Variants in TSPAN12 observed in about 807,000 individuals in gnomAD.
TSPAN12 encodes the protein tetraspanin-12.
TSPAN12 carries 19 observed loss-of-function variants against 39.2 expected under a neutral mutation model. The observed-to-expected ratio is 0.49, with a 90% CI of 0.34 to 0.71. The LOEUF is 0.71. Ranked by LOEUF, TSPAN12 falls within the 30% of genes least tolerant of loss-of-function variation. The pLI is 0.01. For synonymous variants in TSPAN12, 119 were observed against 124.8 expected, an observed-to-expected ratio of 0.95 and a Z score of 0.31; for missense variants, 314 against 359.9, an observed-to-expected ratio of 0.87 and a Z score of 1.03.
rs1015352091 is a variant in TSPAN12, at chr7:120,787,540, C to T, written c.*1052G>A. ...AATTGTCACATGTTTTAATGATTCT[C>T]ACAAGCATTTTTCTGGAGAAAAAGA... On this transcript the variant is annotated 3_prime_UTR_variant, in exon 8 of 8. Transcript: ENST00000222747. 5.2e-5 allele frequency: 8 copies of T among 152,548 alleles called. No individual in the cohort carries two copies. The highest frequency in any genetic ancestry group is 1.7e-4 in the African/African-American group (7 of 41,436). The allele number at this position is 152,548 out of a possible 1,614,324, so 9.4% of individuals were successfully genotyped here. A position where few individuals can be genotyped will look rare whatever the true frequency, so the allele number is the denominator to read the frequency against.
chr7:120,789,317 G>A, intron 7 of TSPAN12, among the ~76,000 whole-genome samples: 1 of 152,208 alleles, frequency 6.6e-6, no homozygotes, highest in Non-Finnish European at 1.5e-5. Flanking sequence ...GTAAGTGAAT[G>A]AATGAATGTG....
At chr7:120,842,580 A>G (rs1320231415) in intron 2 of TSPAN12, among the ~76,000 whole-genome samples, 1 of 152,048 alleles carries the variant, frequency 6.6e-6, no homozygotes, top group African/African-American at 2.4e-5. Context: ...AGGGTTAGTC[A>G]CTGTCTCCCA....
intron 4 of TSPAN12, among the ~76,000 whole-genome samples, chr7:120,835,565 T>C (rs1239844665): frequency 6.6e-6 from 1 of 152,174 alleles, no homozygotes; most frequent in African/African-American, 2.4e-5. Context: ...AATCTCTCTA[T>C]GCCTCATTTC....
chr7:120,843,940 T>C (rs1156540501), intron 2 of TSPAN12, among the ~76,000 whole-genome samples: 1 of 152,184 alleles, frequency 6.6e-6, no homozygotes, highest in Non-Finnish European at 1.5e-5. Flanking sequence ...CTGTTATAAA[T>C]ACCTGAAACT....
At chr7:120,816,705 C>T (rs888908722) in intron 4 of TSPAN12, among the ~76,000 whole-genome samples, 1 of 151,976 alleles carries the variant, frequency 6.6e-6, no homozygotes, top group Non-Finnish European at 1.5e-5. Flanking sequence ...ATCATGTAGG[C>T]ATTAAGGTAG....
At chr7:120,838,739 CT>C in intron 4 of TSPAN12, 37 bp downstream of exon 4, 3 of 1,598,998 alleles carry the variant, frequency 1.9e-6, no homozygotes, top group Non-Finnish European at 1.7e-6. Context: ...ACTGGTTAAT[CT>C]TTTTAACTAT....
At chr7:120,822,108 A>C (rs981282096) in intron 4 of TSPAN12, among the ~76,000 whole-genome samples, 1 of 152,060 alleles carries the variant, frequency 6.6e-6, no homozygotes, top group Non-Finnish European at 1.5e-5. Flanking sequence ...TGTCCACTGG[A>C]AGTATCTGAG....
chr7:120,806,818 A>G, intron 6 of TSPAN12, 126 bp from the exon 7 acceptor site: 1 of 1,144,808 alleles, frequency 8.7e-7, no homozygotes, highest in Admixed American at 2.0e-5. Context: ...CTAATGATAT[A>G]TGTACAGTCT....
At chr7:120,850,948 C>T (rs892786143) in intron 2 of TSPAN12, among the ~76,000 whole-genome samples, 2 of 152,100 alleles carry the variant, frequency 1.3e-5, no homozygotes, top group African/African-American at 4.8e-5. Context: ...CCTGGGCCTC[C>T]CAAAGTGCTG....
intron 6 of TSPAN12, among the ~76,000 whole-genome samples, chr7:120,808,766 C>G (rs1793922768): frequency 1.3e-5 from 2 of 152,058 alleles, no homozygotes; most frequent in Non-Finnish European, 2.9e-5. Flanking sequence ...GAGACTGGCA[C>G]CTGATAAAGT....
intron 4 of TSPAN12, among the ~76,000 whole-genome samples, chr7:120,836,366 G>A (rs953404240): frequency 3.3e-5 from 5 of 152,132 alleles, no homozygotes; most frequent in East Asian, 1.9e-4. Context: ...AATGGAGAAC[G>A]AACAGCCAAA....
intron 6 of TSPAN12, among the ~76,000 whole-genome samples, chr7:120,809,027 G>A (rs1416475370): frequency 2.0e-5 from 3 of 151,302 alleles, no homozygotes; most frequent in African/African-American, 4.8e-5. Context: ...ACAGGGAGAA[G>A]ATGGCCATCC....
At chr7:120,831,499 A>G (rs552410239) in intron 4 of TSPAN12, among the ~76,000 whole-genome samples, 15 of 152,234 alleles carry the variant, frequency 9.9e-5, no homozygotes, top group African/African-American at 3.4e-4. Flanking sequence ...TTGTGGTAAC[A>G]TGGATGAACC....
chr7:120,853,993 A>G (rs956182067), intron 2 of TSPAN12, among the ~76,000 whole-genome samples: 4 of 152,212 alleles, frequency 2.6e-5, no homozygotes, highest in Non-Finnish European at 5.9e-5. Flanking sequence ...TATAGGGCAA[A>G]CCTAAATGAT....
At chr7:120,806,791 G>A in intron 6 of TSPAN12, 99 bp from the exon 7 acceptor site, 1 of 1,442,274 alleles carries the variant, frequency 6.9e-7, no homozygotes, top group Non-Finnish European at 9.6e-7. Context: ...TGTACCCAGA[G>A]CTATATCTGT....
At chr7:120,801,969 C>T (rs1157815085) in intron 7 of TSPAN12, among the ~76,000 whole-genome samples, 1 of 152,026 alleles carries the variant, frequency 6.6e-6, no homozygotes, top group Non-Finnish European at 1.5e-5. Context: ...CAAGAAGAGC[C>T]CTGGTCCATG....
At chr7:120,804,656 T>A (rs1584928220) in intron 7 of TSPAN12, among the ~76,000 whole-genome samples, 1 of 152,288 alleles carries the variant, frequency 6.6e-6, no homozygotes, top group South Asian at 2.1e-4. Context: ...ATTCTTGTGA[T>A]TGGTTGGATT....
intron 2 of TSPAN12, among the ~76,000 whole-genome samples, chr7:120,841,231 T>A (rs1794573304): frequency 1.3e-5 from 2 of 152,192 alleles, no homozygotes; most frequent in African/African-American, 4.8e-5. Flanking sequence ...GAAATTCCTA[T>A]GAAGTATTTT....
intron 4 of TSPAN12, among the ~76,000 whole-genome samples, chr7:120,826,038 G>C (rs761810453): frequency 1.3e-5 from 2 of 152,090 alleles, no homozygotes; most frequent in Non-Finnish European, 2.9e-5. Context: ...AACTACTCAG[G>C]ACATGCAGAA....
Sources: allele counts gnomAD v4.1 joint callset (sites outside exome capture counted in the v4.1 genomes callset), GRCh38; gene constraint gnomAD v4.1.1; transcripts MANE v1.5; gene names NCBI Gene and HGNC (gene_info 2026-07-23, HGNC 2026-07-21).